KIAA1217: variants seen among roughly 807,000 people sequenced by gnomAD.
KIAA1217 encodes the protein sickle tail protein homolog.
Under a neutral mutation model 163.9 loss-of-function variants are expected in KIAA1217, and 88 were observed. The ratio of observed to expected loss-of-function variants is 0.54; its 90% CI spans 0.45 to 0.64. KIAA1217 has a LOEUF of 0.64. Among genes scored for constraint, KIAA1217 ranks in the 30% least tolerant of loss-of-function variants. The pLI, the probability that KIAA1217 is intolerant of heterozygous loss-of-function variation, is 0.00. For synonymous variants in KIAA1217, 903 were observed against 923.1 expected (o/e 0.98, Z 0.39); for missense variants, 2,372 against 2,475.0 (o/e 0.96, Z 0.88).
intron 1 of KIAA1217, among the ~76,000 whole-genome samples, chr10:23,992,514 G>T (rs568840786): frequency 6.6e-6 from 1 of 151,988 alleles, no homozygotes; most frequent in African/African-American, 2.4e-5. Flanking sequence ...CTCATGTCCT[G>T]ATTTGAGGTT....
At chr10:24,137,001 G>A (rs537794123) in intron 2 of KIAA1217, among the ~76,000 whole-genome samples, 2 of 152,274 alleles carry the variant, frequency 1.3e-5, no homozygotes. Flanking sequence ...GAGAATCAAA[G>A]GTGGCTTGAA....
intron 2 of KIAA1217, among the ~76,000 whole-genome samples, chr10:24,162,512 T>G (rs886630721): frequency 6.6e-5 from 10 of 152,338 alleles, no homozygotes; most frequent in African/African-American, 2.4e-4. Flanking sequence ...GTCTCTCCTC[T>G]GTGCAAGGAG....
intron 1 of KIAA1217, among the ~76,000 whole-genome samples, chr10:23,713,432 A>G (rs942165542): frequency 6.6e-6 from 1 of 152,146 alleles, no homozygotes; most frequent in African/African-American, 2.4e-5. Flanking sequence ...GCAGACTATC[A>G]TGGACCAAAA....
intron 2 of KIAA1217, among the ~76,000 whole-genome samples, chr10:24,139,681 G>A (rs1255588666): frequency 6.6e-6 from 1 of 152,112 alleles, no homozygotes; most frequent in African/African-American, 2.4e-5. Context: ...GTGAAATGGA[G>A]ATGGTCATAA....
At chr10:23,825,133 T>G (rs1370475617) in intron 1 of KIAA1217, among the ~76,000 whole-genome samples, 1 of 152,228 alleles carries the variant, frequency 6.6e-6, no homozygotes, top group Admixed American at 6.5e-5. Context: ...TATTTGTCTC[T>G]GACATTCACA....
chr10:23,993,464 C>T (rs1846312354), intron 1 of KIAA1217, among the ~76,000 whole-genome samples: 1 of 151,822 alleles, frequency 6.6e-6, no homozygotes, highest in South Asian at 2.1e-4. Context: ...ATAGTCAATA[C>T]CTTCAGAAGC....
chr10:24,507,224 C>A (rs10828660), intron 9 of KIAA1217, among the ~76,000 whole-genome samples: 1 of 151,878 alleles, frequency 6.6e-6, no homozygotes, highest in Non-Finnish European at 1.5e-5. Flanking sequence ...AGAGAAAGTC[C>A]AAAATCTGTA....
chr10:24,040,151 G>A (rs1349732255), intron 2 of KIAA1217, among the ~76,000 whole-genome samples: 1 of 152,152 alleles, frequency 6.6e-6, no homozygotes, highest in Non-Finnish European at 1.5e-5. Flanking sequence ...CCTTTGCCAG[G>A]TGCCACAGCC....
chr10:24,337,091 G>A (rs73604468), intron 2 of KIAA1217, among the ~76,000 whole-genome samples: 7,407 of 152,196 alleles, frequency 0.049, 572 homozygotes, highest in African/African-American at 0.17. Context: ...ACTTTTATGC[G>A]TCAAAGGACA....
rs118168645 is a variant in KIAA1217 at position 24,033,578 on chromosome 10, A to G, written c.-171+26204A>G. Among the ~76,000 whole-genome samples the G allele has an allele frequency of 2.1e-3, 315 of 152,378 alleles. 3 individuals carry two copies. In the South Asian group the frequency reaches 0.031, roughly 15 times the overall value. The stretch of plus-strand genomic sequence containing the variant: ...CCTCAATGTGATATAATGTCCAAAT[A>G]GTAGAGTGAGATAAATTTAAGAAAT... On this transcript the variant is annotated intron_variant, in intron 2 of 18. Transcript: ENST00000376462.
At chr10:24,179,211 T>A (rs2066054422) in intron 2 of KIAA1217, among the ~76,000 whole-genome samples, 1 of 152,166 alleles carries the variant, frequency 6.6e-6, no homozygotes, top group Non-Finnish European at 1.5e-5. Flanking sequence ...GTAAAAGGCT[T>A]TTGGGCTTCT....
intron 2 of KIAA1217, among the ~76,000 whole-genome samples, chr10:24,325,849 A>G (rs1307534768): frequency 6.6e-6 from 1 of 152,214 alleles, no homozygotes; most frequent in Non-Finnish European, 1.5e-5. Flanking sequence ...TCCTAAGTTC[A>G]ATTTCAGAAT....
rs142981230 is a variant in KIAA1217, at chr10:24,172,923, T to G, written c.-170-46703T>G. 2.8e-4 allele frequency among the ~76,000 whole-genome samples: 43 copies of G among 152,318 alleles called. No individual in the cohort carries two copies. In the East Asian group the frequency reaches 7.1e-3, roughly 25 times the overall value. ...TTTGTTTTGTACCCAGAATTATAAG[T>G]TTCAATGAAGTTATTAACAAGACAA... On this transcript the variant is annotated intron_variant, in intron 2 of 18. Coordinates refer to the KIAA1217 transcript ENST00000376462.
chr10:24,233,998 G>A (rs1015396553), intron 2 of KIAA1217, among the ~76,000 whole-genome samples: 1 of 152,046 alleles, frequency 6.6e-6, no homozygotes, highest in African/African-American at 2.4e-5. Flanking sequence ...ATTCTGTTTA[G>A]TGTCTGTTAA....
chr10:24,239,737 A>G (rs2072825897), intron 2 of KIAA1217, among the ~76,000 whole-genome samples: 1 of 151,528 alleles, frequency 6.6e-6, no homozygotes, highest in African/African-American at 2.4e-5. Context: ...TCTTACGACA[A>G]ACCTGAAATT....
intron 1 of KIAA1217, among the ~76,000 whole-genome samples, chr10:23,785,125 T>C (rs1835432731): frequency 6.6e-6 from 1 of 152,088 alleles, no homozygotes; most frequent in South Asian, 2.1e-4. Flanking sequence ...GAAAGGCCCT[T>C]TGTGACTTGA....
At chr10:23,735,946 A>AT (rs1299136845) in intron 1 of KIAA1217, among the ~76,000 whole-genome samples, 1 of 152,208 alleles carries the variant, frequency 6.6e-6, no homozygotes, top group Non-Finnish European at 1.5e-5. Context: ...TTCTCTCTTG[A>AT]TTAAATACCT....
At chr10:23,719,234 G>A (rs868697181) in intron 1 of KIAA1217, among the ~76,000 whole-genome samples, 1 of 152,280 alleles carries the variant, frequency 6.6e-6, no homozygotes, top group Non-Finnish European at 1.5e-5. Flanking sequence ...TAGAAATGAA[G>A]CACTGATACA....
At chr10:24,222,904 T>C (rs1311630711) in intron 2 of KIAA1217, among the ~76,000 whole-genome samples, 2 of 152,358 alleles carry the variant, frequency 1.3e-5, no homozygotes, top group East Asian at 3.9e-4. Flanking sequence ...TGGTTATTTC[T>C]TGATGATATG....
Sources: gnomAD v4.1 joint callset for allele counts (sites outside exome capture counted in the v4.1 genomes callset) on GRCh38, gnomAD v4.1.1 for gene constraint, MANE v1.5 for transcripts, NCBI Gene and HGNC (gene_info 2026-07-23, HGNC 2026-07-21) for gene names.